The following SEPTIN6 variants were observed in gnomAD, a reference collection of about 807,000 sequenced individuals.
SEPTIN6 encodes septin 6.
In SEPTIN6, 8 loss-of-function variants were observed where a neutral mutation model predicts 33.6. The ratio of observed to expected loss-of-function variants is 0.24; its 90% CI spans 0.14 to 0.43. The LOEUF (loss-of-function observed/expected upper bound fraction) is 0.43. Among genes scored for constraint, SEPTIN6 ranks in the 20% least tolerant of loss-of-function variants. The probability of loss-of-function intolerance (pLI) is 1.00; values close to 1 mark genes in which losing one functional copy is unlikely to be tolerated. For missense variants in SEPTIN6, 250 were observed against 340.8 expected, an observed-to-expected ratio of 0.73 and a Z score of 2.10; for synonymous variants, 131 against 140.0, an observed-to-expected ratio of 0.94 and a Z score of 0.45.
chrX:119,637,700 A>AG (rs2054093218), intron 6 of SEPTIN6, among the ~76,000 whole-genome samples: 2 of 89,495 alleles, frequency 2.2e-5, no homozygotes, highest in Non-Finnish European at 4.7e-5. Context: ...CATCCATCCA[A>AG]TCAATATTTG....
chrX:119,688,305 A>C (rs1295087091), intron 1 of SEPTIN6, among the ~76,000 whole-genome samples: 1 of 111,539 alleles, frequency 9.0e-6, no homozygotes, highest in Non-Finnish European at 1.9e-5. Flanking sequence ...CCTGTGTAGC[A>C]CTTATCACAA....
In SEPTIN6 at chrX:119,650,063, G is replaced by C. The variant is rs1442852866; in HGVS notation, c.564C>G (p.Ala188=). 10 of 1,209,619 alleles carry C rather than the reference G, an allele frequency of 8.3e-6. No homozygotes were observed. Among genetic ancestry groups the C allele is most frequent in the Non-Finnish European group, 1.1e-5 (10 of 895,111 alleles). Residue 188 remains alanine (A), a synonymous_variant, in exon 5 of 11, where the codon GCC becomes GCG. Coordinates refer to ENST00000394610, the MANE Select transcript of SEPTIN6 (RefSeq NM_145799.4). ...ACTTTGTTAGCTCACTCTTCGAAAT[G>C]GCATCTGCTTTGGCAATGATGGGGA... The part of the protein sequence containing the change: ...NIIPIIAKAD[A]ISKSELTKFK...
At chrX:119,672,915 A>G (rs1291083321) in intron 2 of SEPTIN6, among the ~76,000 whole-genome samples, 1 of 111,636 alleles carries the variant, frequency 9.0e-6, no homozygotes, top group Non-Finnish European at 1.9e-5. Flanking sequence ...TGAAGCACAT[A>G]TTTTCTTTTT....
At chrX:119,635,008 CA>C (rs56090830) in intron 7 of SEPTIN6, 11,615 of 133,795 alleles carry the variant, frequency 0.087, no homozygotes, top group East Asian at 0.12. Flanking sequence ...GACTCTGTCT[CA>C]AAAAAAAAAA....
chrX:119,685,642 C>T (rs1000672232), intron 1 of SEPTIN6, among the ~76,000 whole-genome samples: 9 of 111,253 alleles, frequency 8.1e-5, no homozygotes, highest in African/African-American at 2.9e-4. Flanking sequence ...CCTGTCGAGC[C>T]AACGGCCACT....
intron 5 of SEPTIN6, among the ~76,000 whole-genome samples, chrX:119,644,244 G>T (rs1020081065): frequency 1.8e-5 from 2 of 110,839 alleles, no homozygotes; most frequent in African/African-American, 3.3e-5. Flanking sequence ...CCAATGAGGC[G>T]CCCTCGGATA....
intron 1 of SEPTIN6, among the ~76,000 whole-genome samples, chrX:119,681,879 A>T (rs1276095285): frequency 9.0e-6 from 1 of 111,131 alleles, no homozygotes; most frequent in Non-Finnish European, 1.9e-5. Flanking sequence ...TCTACAAAAA[A>T]TACAAAAATT....
chrX:119,625,407 T>C, intron 9 of SEPTIN6, 28 bp from the exon 10 acceptor site: 1 of 1,185,418 alleles, frequency 8.4e-7, no homozygotes, highest in Non-Finnish European at 1.1e-6. Flanking sequence ...CTGATGAAGA[T>C]GGAGTGAGCA....
intron 3 of SEPTIN6, among the ~76,000 whole-genome samples, chrX:119,655,218 C>A (rs936271080): frequency 1.8e-5 from 2 of 110,901 alleles, no homozygotes; most frequent in African/African-American, 6.6e-5. Context: ...GCCAAACCAG[C>A]CAATCAGCCA....
At position 119,625,323 on chromosome X, in the gene SEPTIN6, A is replaced by C; in HGVS notation, c.*41+12T>G. On this transcript the variant is annotated intron_variant, in intron 10 of 10. Coordinates refer to ENST00000394610, the MANE Select transcript of SEPTIN6 (RefSeq NM_145799.4). The stretch of plus-strand genomic sequence containing the variant: ...GCCACTGCCAGTTCTATTTAGAGTT[A>C]ATCAAGCTTACCAGGACCCTGGGTC... The C allele has an allele frequency of 8.5e-7, 1 of 1,180,231 alleles. No homozygotes were observed. The highest frequency in any genetic ancestry group is 1.2e-6 in the Non-Finnish European group (1 of 867,198).
At chrX:119,690,333 CCACATACATA>C (rs1194537020) in intron 1 of SEPTIN6, among the ~76,000 whole-genome samples, 142 of 79,430 alleles carry the variant, frequency 1.8e-3, no homozygotes, top group African/African-American at 7.6e-3. Flanking sequence ...AACACACCCC[CCACATACATA>C]CACATACACA....
intron 3 of SEPTIN6, among the ~76,000 whole-genome samples, chrX:119,658,676 C>T (rs2054492272): frequency 8.9e-6 from 1 of 112,276 alleles, no homozygotes; most frequent in Non-Finnish European, 1.9e-5. Context: ...GAAATTACCT[C>T]GTGTTAGTGG....
chrX:119,650,286 T>G (rs781092919), intron 4 of SEPTIN6, among the ~76,000 whole-genome samples, 188 bp from the exon 5 acceptor site: 2 of 112,203 alleles, frequency 1.8e-5, no homozygotes, highest in Non-Finnish European at 3.8e-5. Flanking sequence ...CTGAACTAAG[T>G]GCTTTACATG....
chrX:119,623,716 A>G (rs2053806767), intron 10 of SEPTIN6, among the ~76,000 whole-genome samples: 1 of 111,475 alleles, frequency 9.0e-6, no homozygotes, highest in Non-Finnish European at 1.9e-5. Flanking sequence ...GCACATGCCT[A>G]TAATCCCAGC....
chrX:119,622,556 G>T (rs1451941640), intron 10 of SEPTIN6, among the ~76,000 whole-genome samples: 5 of 111,893 alleles, frequency 4.5e-5, no homozygotes, highest in Non-Finnish European at 7.5e-5. Flanking sequence ...TGGGGTTGGG[G>T]TTGGCTGTTC....
chrX:119,617,465 C>G lies in SEPTIN6; in HGVS notation c.*2628G>C. ...ACCTGTTACACACAGTCTCCTGGAC[C>G]CCGTTCCAGCCTTGCAGCATCACTG... On this transcript the variant is annotated 3_prime_UTR_variant, in exon 11 of 11. Coordinates refer to ENST00000394610, the MANE Select transcript of SEPTIN6 (RefSeq NM_145799.4). 1.2e-6 allele frequency: 1 copy of G among 804,229 alleles called. No individual in the cohort carries two copies. Among genetic ancestry groups the G allele is most frequent in the South Asian group, 6.6e-5 (1 of 15,231 alleles). 66.3% of individuals were successfully genotyped at this position (804,229 alleles called of 1,213,427 possible).
At chrX:119,628,053 G>A (rs1371346010) in intron 9 of SEPTIN6, among the ~76,000 whole-genome samples, 1 of 108,588 alleles carries the variant, frequency 9.2e-6, no homozygotes, top group East Asian at 2.9e-4. Context: ...ACCCGCCTTG[G>A]CCTCCCAAAG....
Position 119,618,525 on chromosome X carries a change from G to A in SEPTIN6, c.*1568C>T. The A allele has an allele frequency of 1.1e-6, 1 of 942,951 alleles. No individual in the cohort carries two copies. Among genetic ancestry groups the A allele is most frequent in the Non-Finnish European group, 1.3e-6 (1 of 756,382 alleles). The allele number at this position is 942,951 out of a possible 1,213,427, so 77.7% of individuals were successfully genotyped here. ...TTGACTGTGTGCTTTGAAAGTAAGT[G>A]ATCAAAAAAAGAAACTCTAAAAAAA... is the stretch of plus-strand genomic sequence containing the variant. On this transcript the variant is annotated 3_prime_UTR_variant, in exon 11 of 11. Coordinates refer to ENST00000394610, the MANE Select transcript of SEPTIN6 (RefSeq NM_145799.4).
intron 10 of SEPTIN6, among the ~76,000 whole-genome samples, 152 bp from the exon 11 acceptor site, chrX:119,620,203 C>T (rs373059119): frequency 1.8e-5 from 2 of 110,960 alleles, no homozygotes; most frequent in Non-Finnish European, 3.8e-5. Context: ...GCATTGGCTC[C>T]GGGGAACATG....
Sources: gnomAD v4.1 joint callset for allele counts (sites outside exome capture counted in the v4.1 genomes callset) on GRCh38, gnomAD v4.1.1 for gene constraint, MANE v1.5 for transcripts, NCBI Gene and HGNC (gene_info 2026-07-23, HGNC 2026-07-21) for gene names.